MTSS2: variants seen among roughly 807,000 people sequenced by gnomAD.
MTSS2 encodes MTSS I-BAR domain containing 2.
Under a neutral mutation model 67.1 loss-of-function variants are expected in MTSS2, and 27 were observed. The ratio of observed to expected loss-of-function variants is 0.40; its 90% CI spans 0.30 to 0.55. The LOEUF (loss-of-function observed/expected upper bound fraction) is 0.55. MTSS2 is among the 20% of genes least tolerant of loss of function. The pLI is 0.43. For synonymous variants in MTSS2, 624 were observed against 468.6 expected (o/e 1.33, Z -4.28); for missense variants, 1,171 against 1,067.8 (o/e 1.10, Z -1.35).
intron 1 of MTSS2, among the ~76,000 whole-genome samples, chr16:70,682,034 G>A (rs1382130419): frequency 1.3e-5 from 2 of 152,180 alleles, no homozygotes; most frequent in Non-Finnish European, 2.9e-5. Flanking sequence ...TGGCCCTCAG[G>A]GCCTCAGAGG....
rs2052678017 is a variant in MTSS2 at position 70,665,453 on chromosome 16, T to C, written c.1128+13A>G. On this transcript the variant is annotated intron_variant, in intron 12 of 14. Transcript: ENST00000338779. ...GCTGGTGACTGTCCTGGGGCCGGGC[T>C]GGGAGCACTGACCGAGGTGGGGGAG... 1 of 1,551,186 alleles carries C rather than the reference T, an allele frequency of 6.4e-7. No homozygotes were observed. Among genetic ancestry groups the C allele is most frequent in the Admixed American group, 1.9e-5 (1 of 51,394 alleles).
intron 13 of MTSS2, 52 bp from the exon 14 acceptor site, chr16:70,664,815 C>T (rs764708668): frequency 1.2e-4 from 185 of 1,545,000 alleles, no homozygotes; most frequent in Non-Finnish European, 1.5e-4. Flanking sequence ...TCCCCTCTGC[C>T]CAAATTCCAG....
intron 7 of MTSS2, 102 bp from the exon 8 acceptor site, chr16:70,678,511 G>T: frequency 1.4e-6 from 2 of 1,396,576 alleles, no homozygotes; most frequent in Non-Finnish European, 1.9e-6. Context: ...CGGCCGTTGG[G>T]CTGGGTGTTG....
In MTSS2 at chr16:70,677,890, G is replaced by A. The variant is rs2053172171; in HGVS notation, c.634C>T (p.Leu212=). The A allele has an allele frequency of 1.2e-6, 2 of 1,607,568 alleles. No individual in the cohort carries two copies. The highest frequency in any genetic ancestry group is 1.3e-5 in the African/African-American group (1 of 74,914). ...TGGGTGATCTCTCCCAGCATGGTCA[G>A]CTCTCCATTCTGAGGAAGCAGCGAG... The part of the protein sequence containing the change: ...TFLQPVVNGE[L]TMLGEITHLQ... Residue 212 remains leucine (L), a synonymous_variant, in exon 9 of 15, where the codon CTG becomes TTG. Coordinates refer to ENST00000338779, the MANE Select transcript of MTSS2 (RefSeq NM_138383.3).
intron 8 of MTSS2, 109 bp from the exon 9 acceptor site, chr16:70,678,008 C>T: frequency 9.7e-7 from 1 of 1,032,216 alleles, no homozygotes; most frequent in Non-Finnish European, 1.4e-6. Flanking sequence ...TCTCACCCCT[C>T]CTCGCTAACC....
chr16:70,682,115 G>A (rs2053321231), intron 1 of MTSS2, among the ~76,000 whole-genome samples: 2 of 152,200 alleles, frequency 1.3e-5, no homozygotes, highest in Admixed American at 1.3e-4. Flanking sequence ...GCTTGCAGGG[G>A]TGGGAAGGAG....
chr16:70,673,651 T>C (rs1223379938), intron 11 of MTSS2, among the ~76,000 whole-genome samples: 1 of 152,110 alleles, frequency 6.6e-6, no homozygotes, highest in East Asian at 1.9e-4. Context: ...TATTAACATA[T>C]GGGTAAATCT....
chr16:70,664,217 G>C lies in MTSS2; in HGVS notation c.1704C>G (p.Pro568=). The C allele has an allele frequency of 6.3e-7, 1 of 1,587,012 alleles. No homozygotes were observed. Among genetic ancestry groups the C allele is most frequent in the Non-Finnish European group, 8.5e-7 (1 of 1,171,348 alleles). Residue 568 remains proline, a synonymous_variant, in exon 15 of 15, where the codon CCC becomes CCG. Transcript: ENST00000338779. Reference sequence around the variant, plus strand: ...CGCGGCGCACGGTGGGCTTGGTGGAGGGTGTGCGGCGGATGGTGGCCACGC... The same window carrying C: ...CGCGGCGCACGGTGGGCTTGGTGGACGGTGTGCGGCGGATGGTGGCCACGC... ...PPGVATIRRT[P]STKPTVRRAL...
chr16:70,679,246 G>A (rs1364155696), intron 7 of MTSS2, 69 bp downstream of exon 7: 92 of 1,588,318 alleles, frequency 5.8e-5, no homozygotes, highest in Admixed American at 8.3e-5. Context: ...CAATGGCCCT[G>A]AGCTGGGGGA....
chr16:70,679,346 G>C, intron 6 of MTSS2, 23 bp from the exon 7 acceptor site: 2 of 1,613,526 alleles, frequency 1.2e-6, no homozygotes, highest in Middle Eastern at 1.7e-4. Context: ...TGTGGGAGGA[G>C]AGGAGGAGAG....
In MTSS2 at chr16:70,682,899, G is replaced by A. The variant is rs368265763; in HGVS notation, c.70-1874C>T. Among the ~76,000 whole-genome samples the A allele has an allele frequency of 6.6e-5, 10 of 151,344 alleles. No homozygotes were observed. In the South Asian group the frequency reaches 1.0e-3, roughly 16 times the overall value. ...CGTAGAGGTTAGCTCATTTGCCCAC[G>A]GCCACAGGGTGGCGGGGTCAGGACC... On this transcript the variant is annotated intron_variant, in intron 1 of 14. Transcript: ENST00000338779.
At position 70,663,409 on chromosome 16, in the gene MTSS2, C is replaced by T. The variant is rs917701892; in HGVS notation, c.*268G>A. 3.8e-6 allele frequency: 2 copies of T among 523,240 alleles called. No homozygotes were observed. The highest frequency in any genetic ancestry group is 4.0e-5 in the African/African-American group (2 of 49,552). 32.4% of individuals were successfully genotyped at this position (523,240 alleles called of 1,614,324 possible). On this transcript the variant is annotated 3_prime_UTR_variant, in exon 15 of 15. Transcript: ENST00000338779. ...TTATGGGTAGGGAAGAGGCAGGGCC[C>T]CAGAGGAGGAAGAGGAGGGACCGAA... is the stretch of plus-strand genomic sequence containing the variant.
At chr16:70,677,766 G>A (rs1294878123) in intron 9 of MTSS2, 26 bp downstream of exon 9, 1 of 1,576,320 alleles carries the variant, frequency 6.3e-7, no homozygotes, top group African/African-American at 1.3e-5. Context: ...CCCTGGCCCT[G>A]GCCCTTGGCC....
At chr16:70,670,767 C>G (rs565289357) in intron 11 of MTSS2, among the ~76,000 whole-genome samples, 38 of 151,960 alleles carry the variant, frequency 2.5e-4, no homozygotes, top group Admixed American at 2.4e-3. Context: ...AGTTCGAGAC[C>G]AGCCTAGGAA....
intron 10 of MTSS2, among the ~76,000 whole-genome samples, chr16:70,675,911 C>T (rs1327924694): frequency 1.3e-5 from 2 of 152,332 alleles, no homozygotes; most frequent in South Asian, 2.1e-4. Flanking sequence ...CTCAGCACAG[C>T]AATTCAACCC....
rs1487949335 is a variant in MTSS2, at chr16:70,664,240, C to G, written c.1681G>C (p.Val561Leu). Residue 561 changes from valine to leucine, a missense_variant, in exon 15 of 15, where the codon GTG (valine) becomes CTG (leucine). Transcript: ENST00000338779. The stretch of plus-strand genomic sequence containing the variant: ...GAGGGTGTGCGGCGGATGGTGGCCA[C>G]GCCGGGGGGTGCGCCCGAGGGCAGG... ...TGLPSGAPPG[V>L]ATIRRTPSTK... The G allele has an allele frequency of 1.3e-6, 2 of 1,565,924 alleles. No individual in the cohort carries two copies. The highest frequency in any genetic ancestry group is 1.7e-6 in the Non-Finnish European group (2 of 1,162,338).
At chr16:70,672,158 A>C (rs1402595135) in intron 11 of MTSS2, among the ~76,000 whole-genome samples, 1 of 151,864 alleles carries the variant, frequency 6.6e-6, no homozygotes, top group African/African-American at 2.4e-5. Flanking sequence ...GACCAGCCTG[A>C]CCAACACGGT....
rs1455662948 is a variant in MTSS2, at chr16:70,662,126, C to T, written c.*1551G>A. The T allele has an allele frequency of 6.6e-6, 1 of 152,162 alleles. No homozygotes were observed. The highest frequency in any genetic ancestry group is 1.5e-5 in the Non-Finnish European group (1 of 68,136). The allele number at this position is 152,162 out of a possible 1,614,324, so 9.4% of individuals were successfully genotyped here. ...GTGCCCGGACCTACCCAGGAGCTGC[C>T]CAGCTCACCGCACAAGAACTCCCAG... is the stretch of plus-strand genomic sequence containing the variant. On this transcript the variant is annotated 3_prime_UTR_variant, in exon 15 of 15. Transcript: ENST00000338779.
At chr16:70,678,133 A>G in intron 8 of MTSS2, 119 bp downstream of exon 8, 1 of 1,302,216 alleles carries the variant, frequency 7.7e-7, no homozygotes, top group Non-Finnish European at 1.1e-6. Flanking sequence ...TTGGGCCAGG[A>G]GCATGTGGCC....
Sources: gnomAD v4.1 joint callset for allele counts (sites outside exome capture counted in the v4.1 genomes callset) on GRCh38, gnomAD v4.1.1 for gene constraint, MANE v1.5 for transcripts, NCBI Gene and HGNC (gene_info 2026-07-23, HGNC 2026-07-21) for gene names.